Variants in DLC1 observed in about 807,000 individuals in gnomAD.
DLC1 encodes DLC1 Rho GTPase activating protein, also known as rho GTPase-activating protein 7.
In DLC1, 54 loss-of-function variants were observed where a neutral mutation model predicts 140.3. That is an observed-to-expected ratio of 0.38 (90% CI 0.31 to 0.48). The LOEUF (loss-of-function observed/expected upper bound fraction) is 0.48. Ranked by LOEUF, DLC1 falls within the 20% of genes least tolerant of loss-of-function variation. DLC1 has a pLI of 0.96. For synonymous variants in DLC1, 986 were observed against 728.1 expected (o/e 1.35, Z -5.70); for missense variants, 2,536 against 1,907.0 (o/e 1.33, Z -6.14).
intron 1 of DLC1, among the ~76,000 whole-genome samples, chr8:13,552,729 T>TA (rs1416536175): frequency 6.6e-6 from 1 of 151,824 alleles, no homozygotes; most frequent in Non-Finnish European, 1.5e-5. Flanking sequence ...TTTTGTCATA[T>TA]TTTTTAAATG....
At chr8:13,118,194 GC>G (rs1239291097) in intron 5 of DLC1, among the ~76,000 whole-genome samples, 1 of 151,700 alleles carries the variant, frequency 6.6e-6, no homozygotes, top group Non-Finnish European at 1.5e-5. Flanking sequence ...TTTTCTAATG[GC>G]CCTGTCTAAC....
At chr8:13,583,364 C>T (rs1410297096) in intron 1 of DLC1, among the ~76,000 whole-genome samples, 2 of 152,156 alleles carry the variant, frequency 1.3e-5, no homozygotes, top group Non-Finnish European at 2.9e-5. Flanking sequence ...TCTCAAGAAG[C>T]CGCTTTCTTT....
intron 5 of DLC1, among the ~76,000 whole-genome samples, chr8:13,239,287 G>A (rs141208240): frequency 1.1e-3 from 167 of 152,258 alleles, no homozygotes; most frequent in African/African-American, 3.8e-3. Context: ...CCTCAGGGAA[G>A]AGCGGGGCAA....
intron 5 of DLC1, among the ~76,000 whole-genome samples, chr8:13,188,806 T>TATATATATATATATATATGTATAC: frequency 2.5e-5 from 1 of 40,002 alleles, no homozygotes; most frequent in Non-Finnish European, 4.6e-5. Context: ...TGTGTGTATA[T>TATATATATATATATATATGTATAC]ATATATATAT....
chr8:13,593,050 C>T (rs1976018), intron 1 of DLC1, among the ~76,000 whole-genome samples: 150,175 of 152,192 alleles, frequency 0.99, 74,134 homozygotes, highest in East Asian at 1. Flanking sequence ...TAAGATATTA[C>T]AGTCTGAAGT....
chr8:13,323,101 G>T (rs1029219562), intron 4 of DLC1, among the ~76,000 whole-genome samples: 2 of 152,166 alleles, frequency 1.3e-5, no homozygotes, highest in Non-Finnish European at 2.9e-5. Context: ...TATGACATAG[G>T]CTCAGCTAGA....
At chr8:13,539,604 A>G (rs1407686814) in intron 1 of DLC1, among the ~76,000 whole-genome samples, 1 of 152,080 alleles carries the variant, frequency 6.6e-6, no homozygotes, top group Non-Finnish European at 1.5e-5. Flanking sequence ...TGAGGCCAGG[A>G]GCTTCTGTCC....
Position 13,099,678 on chromosome 8 carries a change from G to C in DLC1, c.2659C>G (p.Leu887Val), listed in dbSNP as rs140570414. Residue 887 changes from leucine to valine, a missense_variant, in exon 9 of 18, where the codon CTC becomes GTC. Transcript: ENST00000276297. ...SIYDNVPGSI[L>V]YSSSGDLADL... ...GCCAGGTCCCCTGAACTGGAGTAGA[G>C]GATGGAGCCCGGCACGTTGTCGTAG... is the stretch of plus-strand genomic sequence containing the variant. 3 of 1,614,090 alleles carry C rather than the reference G, an allele frequency of 1.9e-6. No individual in the cohort carries two copies. The highest frequency in any genetic ancestry group is 1.3e-5 in the African/African-American group (1 of 74,930).
At chr8:13,196,095 T>TACACACACAC (rs59429334) in intron 5 of DLC1, among the ~76,000 whole-genome samples, 2,975 of 147,088 alleles carry the variant, frequency 0.02, 73 homozygotes, top group Admixed American at 0.08. Flanking sequence ...TCTGTATTGA[T>TACACACACAC]ACACACACAC....
intron 5 of DLC1, among the ~76,000 whole-genome samples, chr8:13,187,460 T>C (rs1432928461): frequency 6.6e-6 from 1 of 152,198 alleles, no homozygotes; most frequent in African/African-American, 2.4e-5. Context: ...TAGTATGGTA[T>C]CTTGAAAATG....
intron 4 of DLC1, among the ~76,000 whole-genome samples, chr8:13,327,857 A>T (rs995864766): frequency 6.6e-6 from 1 of 152,226 alleles, no homozygotes; most frequent in Admixed American, 6.5e-5. Flanking sequence ...TGTTACAAAG[A>T]AAAGTTCAGA....
chr8:13,453,802 T>C (rs548159014), intron 2 of DLC1, among the ~76,000 whole-genome samples: 1 of 151,922 alleles, frequency 6.6e-6, no homozygotes, highest in Admixed American at 6.6e-5. Flanking sequence ...TATAACGATG[T>C]CTTCTTTATG....
intron 1 of DLC1, among the ~76,000 whole-genome samples, chr8:13,593,838 T>G (rs1383967397): frequency 6.6e-6 from 1 of 152,106 alleles, no homozygotes; most frequent in Non-Finnish European, 1.5e-5. Context: ...GGGCAAAGAT[T>G]TCATCTATGT....
intron 1 of DLC1, chr8:13,567,818 T>C: frequency 1.3e-6 from 2 of 1,551,842 alleles, no homozygotes; most frequent in African/African-American, 1.4e-5. Context: ...TACTCTGGTT[T>C]TGAAAGATCA....
chr8:13,098,568 G>T lies in DLC1; in HGVS notation c.2998C>A (p.Leu1000Met). 2 of 1,613,772 alleles carry T rather than the reference G, an allele frequency of 1.2e-6. No individual in the cohort carries two copies. The highest frequency in any genetic ancestry group is 1.1e-5 in the South Asian group (1 of 90,966). The change falls in exon 10 of 18, where the codon CTG becomes ATG. Residue 1000 changes from leucine to methionine, a missense_variant. Physicochemically the swap from Leu to Met is conservative, Grantham distance 15. Transcript: ENST00000276297. Reference sequence around the variant, plus strand: ...GAGCTCTGGAAACTGTGCCATCTCAGTCGGTGCCTGCGAGAGAAGAGGAGA... The same window carrying T: ...GAGCTCTGGAAACTGTGCCATCTCATTCGGTGCCTGCGAGAGAAGAGGAGA... ...ASLTRSNRHR[L>M]RWHSFQSSHR...
chr8:13,539,637 A>G (rs1215551086), intron 1 of DLC1, among the ~76,000 whole-genome samples: 1 of 152,010 alleles, frequency 6.6e-6, no homozygotes, highest in Non-Finnish European at 1.5e-5. Flanking sequence ...TGATGTCAGG[A>G]GTTGCCCAGG....
At chr8:13,524,744 T>C (rs974121922) in intron 1 of DLC1, among the ~76,000 whole-genome samples, 3 of 151,644 alleles carry the variant, frequency 2.0e-5, no homozygotes, top group African/African-American at 7.3e-5. Context: ...TTTGCCAATT[T>C]CTTCTTTTTC....
chr8:13,273,763 G>A (rs577123791), intron 5 of DLC1, among the ~76,000 whole-genome samples: 90 of 147,028 alleles, frequency 6.1e-4, no homozygotes, highest in African/African-American at 2.2e-3. Flanking sequence ...AGACAGGGAG[G>A]GAGGGAGCAA....
At chr8:13,513,253 T>A (rs2117262871) in intron 1 of DLC1, among the ~76,000 whole-genome samples, 1 of 152,266 alleles carries the variant, frequency 6.6e-6, no homozygotes. Context: ...GTTCTTTCCT[T>A]CTCTGAAATT....
Sources: allele counts gnomAD v4.1 joint callset (sites outside exome capture counted in the v4.1 genomes callset), GRCh38; gene constraint gnomAD v4.1.1; transcripts MANE v1.5; gene names NCBI Gene and HGNC (gene_info 2026-07-23, HGNC 2026-07-21).